Variants in MST1R observed in about 807,000 individuals in gnomAD.
MST1R encodes macrophage stimulating 1 receptor.
A neutral mutation model predicts 117.8 loss-of-function variants in MST1R; 99 were observed. That is an observed-to-expected ratio of 0.84 (90% CI 0.71 to 0.99). The LOEUF (loss-of-function observed/expected upper bound fraction) is 0.99, where lower values mean the gene tolerates loss of function less well. Ranked by LOEUF, MST1R falls within the 50% of genes least tolerant of loss-of-function variation. The pLI is 0.00. For synonymous variants in MST1R, 734 were observed against 765.3 expected (o/e 0.96, Z 0.68); for missense variants, 1,683 against 1,840.2 (o/e 0.91, Z 1.56).
In MST1R at chr3:49,895,223, T is replaced by C; in HGVS notation, c.3215A>G (p.Asp1072Gly). The C allele has an allele frequency of 6.2e-7, 1 of 1,614,188 alleles. No individual in the cohort carries two copies. Among genetic ancestry groups the C allele is most frequent in the Non-Finnish European group, 8.5e-7 (1 of 1,180,028 alleles). ...CACCCGCTCATGGGGAATCAGCACA[T>C]CCTTGACCTCAGCCAAGAGCGCAGA... ...LDSALLAEVK[D>G]VLIPHERVVT... Residue 1072 changes from aspartate (D) to glycine (G), a missense_variant, in exon 14 of 20, where the codon GAT becomes GGT. Asp to Gly is a moderately conservative substitution (Grantham distance 94). Transcript: ENST00000296474.
At position 49,897,394 on chromosome 3, in the gene MST1R, T is replaced by C; in HGVS notation, c.2069A>G (p.Gln690Arg). 1 of 1,613,752 alleles carries C rather than the reference T, an allele frequency of 6.2e-7. No homozygotes were observed. Among genetic ancestry groups the C allele is most frequent in the Admixed American group, 1.7e-5 (1 of 59,970 alleles). The change falls in exon 7 of 20, where the codon CAA becomes CGA. Residue 690 changes from glutamine to arginine, a missense_variant. Gln to Arg is a conservative substitution (Grantham distance 43, BLOSUM62 1). Transcript: ENST00000296474. The part of the protein sequence containing the change: ...SFMEPVLIAV[Q>R]PLFGPRAGGT... ...TCCTGCCCGTGGGCCAAAGAGGGGTTGCACTGCTATCAGCACTGGCTCCTA... is the reference window on the plus strand; with the variant it reads ...TCCTGCCCGTGGGCCAAAGAGGGGTCGCACTGCTATCAGCACTGGCTCCTA...
In MST1R at chr3:49,898,198, C is replaced by T. The variant is rs752154681; in HGVS notation, c.1733G>A (p.Ser578Asn). Residue 578 changes from serine (S) to asparagine (N), a missense_variant, in exon 5 of 20, where the codon AGT becomes AAT. Transcript: ENST00000296474. ...PPKLTEFHPH[S>N]GPLRGSTRLT... ...CCTTGTACTGCCCCTTAGAGGTCCA[C>T]TGTGGGGGTGGAACTGAAATGGGGG... 4.3e-6 allele frequency: 7 copies of T among 1,613,724 alleles called. No individual in the cohort carries two copies. Among genetic ancestry groups the T allele is most frequent in the Non-Finnish European group, 5.9e-6 (7 of 1,180,012 alleles).
At position 49,891,533 on chromosome 3, in the gene MST1R, G is replaced by T. The variant is rs1170653236; in HGVS notation, c.3400C>A (p.Leu1134Ile). ...TTCGGGTGGTTCAGGCCACGCATGA[G>T]CAGCCCCTCTCGCAGGAAGGCCTCC... is the stretch of plus-strand genomic sequence containing the variant. ...QVEAFLREGL[L>I]MRGLNHPNVL... Residue 1134 changes from leucine (L) to isoleucine (I), a missense_variant, in exon 16 of 20, where the codon CTC becomes ATC. By Grantham distance (5) the Leu-to-Ile change is conservative. Transcript: ENST00000296474. The T allele has an allele frequency of 6.2e-7, 1 of 1,613,898 alleles. No homozygotes were observed. Among genetic ancestry groups the T allele is most frequent in the Non-Finnish European group, 8.5e-7 (1 of 1,180,062 alleles).
Position 49,887,291 on chromosome 3 carries a change from C to G in MST1R, c.*16G>C. The G allele has an allele frequency of 6.8e-6, 11 of 1,613,234 alleles. No individual in the cohort carries two copies. Among genetic ancestry groups the G allele is most frequent in the African/African-American group, 1.3e-5 (1 of 75,080 alleles). On this transcript the variant is annotated 3_prime_UTR_variant, in exon 20 of 20. Transcript: ENST00000296474. ...TTAGCTCAAGGCAGCTAAGCAGGTC[C>G]AGCCCAAGAACTAAGTCAAGTGGGC...
At position 49,903,719 on chromosome 3, in the gene MST1R, G is replaced by T; in HGVS notation, c.-110C>A. On this transcript the variant is annotated 5_prime_UTR_variant, in exon 1 of 20. Coordinates refer to ENST00000296474, the MANE Select transcript of MST1R (RefSeq NM_002447.4). The stretch of plus-strand genomic sequence containing the variant: ...CTGGACTGGGCCAAATTTAAGCAGC[G>T]GTCCCGACAGCCCCAAGATAGCGGA... 7.1e-7 allele frequency: 1 copy of T among 1,399,056 alleles called. No individual in the cohort carries two copies. Among genetic ancestry groups the T allele is most frequent in the Non-Finnish European group, 9.5e-7 (1 of 1,055,044 alleles). The allele number at this position is 1,399,056 out of a possible 1,614,324, so 86.7% of individuals were successfully genotyped here. A position where few individuals can be genotyped will look rare whatever the true frequency, so the allele number is the denominator to read the frequency against.
intron 1 of MST1R, among the ~76,000 whole-genome samples, chr3:49,900,558 T>G (rs961099202): frequency 5.9e-5 from 9 of 151,934 alleles, no homozygotes; most frequent in Non-Finnish European, 1.2e-4. Flanking sequence ...AAAGTAGATG[T>G]GGAGCTGAGC....
intron 4 of MST1R, 98 bp downstream of exon 4, chr3:49,898,420 C>G: frequency 6.7e-7 from 1 of 1,482,862 alleles, no homozygotes; most frequent in Non-Finnish European, 9.1e-7. Context: ...TGAAGGACAC[C>G]CCCCAGACCT....
rs1291274377 is a variant in MST1R at position 49,889,953 on chromosome 3, C to T, written c.3918G>A (p.Leu1306=). 1 of 1,614,162 alleles carries T rather than the reference C, an allele frequency of 6.2e-7. No homozygotes were observed. The part of the protein sequence containing the change: ...LTHFLAQGRR[L]PQPEYCPDSL... Reference sequence around the variant, plus strand: ...AATCAGGGCAATACTCAGGCTGGGGCAGGCGCCGACCCTGGGCCAGGAAGT... The same window carrying T: ...AATCAGGGCAATACTCAGGCTGGGGTAGGCGCCGACCCTGGGCCAGGAAGT... The change falls in exon 19 of 20, where the codon CTG becomes CTA. Residue 1306 remains leucine, a synonymous_variant. Coordinates refer to ENST00000296474, the MANE Select transcript of MST1R (RefSeq NM_002447.4).
intron 14 of MST1R, among the ~76,000 whole-genome samples, chr3:49,893,627 C>T (rs777828582): frequency 8.7e-5 from 13 of 148,754 alleles, no homozygotes; most frequent in South Asian, 2.1e-4. Flanking sequence ...AGGCCGGGCG[C>T]GGTGGCTCAC....
chr3:49,896,533 C>T lies in MST1R; in HGVS notation c.2439+7G>A, dbSNP rs201555733. The T allele has an allele frequency of 3.8e-5, 62 of 1,614,070 alleles. No homozygotes were observed. In the East Asian group the frequency reaches 1.3e-3, roughly 33 times the overall value. On this transcript the variant is annotated splice_region_variant and intron_variant, in intron 9 of 19. Transcript: ENST00000296474. ...GCCTTCCTCCCTCCTGGCCAGCACT[C>T]ACTCACCCTGCTTTCCACTGCCCTA...
At position 49,903,266 on chromosome 3, in the gene MST1R, G is replaced by A; in HGVS notation, c.344C>T (p.Pro115Leu). The A allele has an allele frequency of 1.9e-6, 3 of 1,610,106 alleles. No homozygotes were observed. The change falls in exon 1 of 20, where the codon CCC (proline) becomes CTC (leucine). Residue 115 changes from proline (P) to leucine (L), a missense_variant. Coordinates refer to ENST00000296474, the MANE Select transcript of MST1R (RefSeq NM_002447.4). ...AACGPGPHGP[P>L]GDTDTKVLVL... The stretch of plus-strand genomic sequence containing the variant: ...CAGCACCTTTGTGTCTGTGTCACCG[G>A]GAGGGCCGTGGGGTCCTGGGCCACA...
chr3:49,890,621 G>T lies in MST1R; in HGVS notation c.3674C>A (p.Ala1225Asp). 6.2e-7 allele frequency: 1 copy of T among 1,613,650 alleles called. No individual in the cohort carries two copies. The highest frequency in any genetic ancestry group is 8.5e-7 in the Non-Finnish European group (1 of 1,179,660). The change falls in exon 18 of 20, where the codon GCT becomes GAT. Residue 1225 changes from alanine (A) to aspartate (D), a missense_variant. Transcript: ENST00000296474. Reference sequence around the variant, plus strand: ...GATGTCGCGGGCCAAACCAAAGTCAGCCACCTTGACTGTGAATGACTCGTC... The same window carrying T: ...GATGTCGCGGGCCAAACCAAAGTCATCCACCTTGACTGTGAATGACTCGTC... ...MLDESFTVKV[A>D]DFGLARDILD...
Position 49,897,423 on chromosome 3 carries a change from G to A in MST1R, c.2047-7C>T, listed in dbSNP as rs775210902. ...CTGCTATCAGCACTGGCTCCTAAGAGGACATAGAGGTGGCTTAGGCAGGTC... is the reference window on the plus strand; with the variant it reads ...CTGCTATCAGCACTGGCTCCTAAGAAGACATAGAGGTGGCTTAGGCAGGTC... On this transcript the variant is annotated splice_polypyrimidine_tract_variant and splice_region_variant and intron_variant, in intron 6 of 19. Coordinates refer to ENST00000296474, the MANE Select transcript of MST1R (RefSeq NM_002447.4). 3.7e-6 allele frequency: 6 copies of A among 1,612,652 alleles called. No homozygotes were observed. The highest frequency in any genetic ancestry group is 1.7e-5 in the Admixed American group (1 of 59,832).
In MST1R at chr3:49,895,950, G is replaced by A. The variant is rs1241252837; in HGVS notation, c.2796+11C>T. The A allele has an allele frequency of 6.4e-7, 1 of 1,566,940 alleles. No individual in the cohort carries two copies. The highest frequency in any genetic ancestry group is 1.3e-5 in the African/African-American group (1 of 74,108). The stretch of plus-strand genomic sequence containing the variant: ...CCGTGTTTCCCAGGGAGGTCCAGCT[G>A]GGCTGCCTACCTGCAATGGGGCACC... On this transcript the variant is annotated intron_variant, in intron 11 of 19. Transcript: ENST00000296474.
rs749339063 is a variant in MST1R at position 49,898,230 on chromosome 3, C to G, written c.1720-19G>C. 8 of 1,613,022 alleles carry G rather than the reference C, an allele frequency of 5.0e-6. No individual in the cohort carries two copies. The South Asian group carries it at 8.8e-5, about 18-fold the overall frequency. On this transcript the variant is annotated intron_variant, in intron 4 of 19. Transcript: ENST00000296474. ...GGTGGAACTGAAATGGGGGAAACAGCCTGAGTCCTCATGTGGGGTTGGGCT... is the reference window on the plus strand; with the variant it reads ...GGTGGAACTGAAATGGGGGAAACAGGCTGAGTCCTCATGTGGGGTTGGGCT...
Position 49,895,216 on chromosome 3 carries a change from C to T in MST1R, c.3222G>A (p.Leu1074=). 3 of 1,614,202 alleles carry T rather than the reference C, an allele frequency of 1.9e-6. No homozygotes were observed. The highest frequency in any genetic ancestry group is 2.5e-6 in the Non-Finnish European group (3 of 1,180,046). ...SALLAEVKDV[L]IPHERVVTHS... ...GGGTGACCACCCGCTCATGGGGAAT[C>T]AGCACATCCTTGACCTCAGCCAAGA... Residue 1074 remains leucine, a synonymous_variant, in exon 14 of 20, where the codon CTG becomes CTA. Coordinates refer to ENST00000296474, the MANE Select transcript of MST1R (RefSeq NM_002447.4).
chr3:49,891,478 G>A lies in MST1R; in HGVS notation c.3455C>T (p.Pro1152Leu). ...NVLALIGIML[P>L]PEGLPHVLLP... The stretch of plus-strand genomic sequence containing the variant: ...CAGCACATGGGGCAGGCCCTCAGGT[G>A]GCAACATGATACCAATGAGAGCCAG... The change falls in exon 16 of 20, where the codon CCA becomes CTA. Residue 1152 changes from proline (P) to leucine (L), a missense_variant. Pro to Leu is a moderately conservative substitution (Grantham distance 98). Coordinates refer to ENST00000296474, the MANE Select transcript of MST1R (RefSeq NM_002447.4). 1 of 1,613,992 alleles carries A rather than the reference G, an allele frequency of 6.2e-7. No individual in the cohort carries two copies. Among genetic ancestry groups the A allele is most frequent in the Non-Finnish European group, 8.5e-7 (1 of 1,180,044 alleles).
intron 14 of MST1R, among the ~76,000 whole-genome samples, chr3:49,894,385 C>T (rs1395601010): frequency 2.6e-5 from 4 of 151,858 alleles, no homozygotes; most frequent in Non-Finnish European, 4.4e-5. Flanking sequence ...CAACATGATT[C>T]GAGGCCCATC....
At position 49,891,527 on chromosome 3, in the gene MST1R, G is replaced by A. The variant is rs766187988; in HGVS notation, c.3406C>T (p.Arg1136Cys). ...AGCACATTCGGGTGGTTCAGGCCAC[G>A]CATGAGCAGCCCCTCTCGCAGGAAG... ...EAFLREGLLM[R>C]GLNHPNVLAL... The change falls in exon 16 of 20, where the codon CGT (arginine) becomes TGT (cysteine). Residue 1136 changes from arginine to cysteine, a missense_variant. Coordinates refer to ENST00000296474, the MANE Select transcript of MST1R (RefSeq NM_002447.4). 11 of 1,613,848 alleles carry A rather than the reference G, an allele frequency of 6.8e-6. No individual in the cohort carries two copies. Among genetic ancestry groups the A allele is most frequent in the South Asian group, 4.4e-5 (4 of 91,088 alleles).
Sources: gnomAD v4.1 joint callset for allele counts (sites outside exome capture counted in the v4.1 genomes callset) on GRCh38, gnomAD v4.1.1 for gene constraint, MANE v1.5 for transcripts, NCBI Gene and HGNC (gene_info 2026-07-23, HGNC 2026-07-21) for gene names.